Variants in INSYN2A observed in about 807,000 individuals in gnomAD.
INSYN2A encodes the protein inhibitory synaptic factor 2A.
INSYN2A carries 17 observed loss-of-function variants against 39.4 expected under a neutral mutation model. The observed-to-expected ratio is 0.43, with a 90% CI of 0.30 to 0.65. INSYN2A has a LOEUF of 0.65. INSYN2A is among the 30% of genes least tolerant of loss of function. INSYN2A has a pLI of 0.14. For synonymous variants in INSYN2A, 255 were observed against 265.7 expected (o/e 0.96, Z 0.39); for missense variants, 595 against 631.2 (o/e 0.94, Z 0.61).
At chr10:127,149,652 G>A (rs894661524) in intron 5 of INSYN2A, among the ~76,000 whole-genome samples, 3 of 152,164 alleles carry the variant, frequency 2.0e-5, no homozygotes, top group African/African-American at 4.8e-5. Context: ...TGCAAGACAG[G>A]CAGGGTCAAA....
intron 4 of INSYN2A, among the ~76,000 whole-genome samples, chr10:127,163,723 G>A (rs753994757): frequency 1.3e-5 from 2 of 151,108 alleles, no homozygotes; most frequent in Non-Finnish European, 2.9e-5. Flanking sequence ...TTCTGCTTCC[G>A]ACACCCAGTT....
rs143223796 is a variant in INSYN2A, at chr10:127,175,447, C to T, written c.949G>A (p.Glu317Lys). The T allele has an allele frequency of 2.3e-5, 37 of 1,611,824 alleles. No individual in the cohort carries two copies. Among genetic ancestry groups the T allele is most frequent in the Non-Finnish European group, 2.8e-5 (33 of 1,180,036 alleles). ...CSPPMQCLSP[E>K]CSEQPSQTHT... is the part of the protein sequence containing the mutation. The stretch of plus-strand genomic sequence containing the variant: ...GTCTGCGACGGCTGCTCACTACATT[C>T]GGGGGACAGGCACTGCATCGGGGGT... Residue 317 changes from glutamate (E) to lysine (K), a missense_variant, in exon 4 of 6, where the codon GAA becomes AAA. Glu to Lys is a moderately conservative substitution (Grantham distance 56). This residue lies in a region of INSYN2A where 478 missense variants were observed against 467.4 expected (regional missense o/e 1.02). Coordinates refer to ENST00000522781, the MANE Select transcript of INSYN2A (RefSeq NM_001039762.3). The surrounding 1 kb of genome is among the most constrained non-coding windows in gnomAD (Gnocchi z 6.3).
intron 4 of INSYN2A, among the ~76,000 whole-genome samples, chr10:127,169,162 A>G (rs1201282843): frequency 4.6e-5 from 7 of 152,176 alleles, no homozygotes. Flanking sequence ...GCTGTCATAT[A>G]CATTATACAT....
chr10:127,174,773 TC>T (rs2054921758), intron 4 of INSYN2A, among the ~76,000 whole-genome samples: 1 of 152,218 alleles, frequency 6.6e-6, no homozygotes, highest in Non-Finnish European at 1.5e-5. Context: ...CATTTACTTT[TC>T]CAAATGTCAC....
chr10:127,155,759 TAC>T (rs2052980945), intron 4 of INSYN2A, among the ~76,000 whole-genome samples: 1 of 152,214 alleles, frequency 6.6e-6, no homozygotes, highest in Non-Finnish European at 1.5e-5. Context: ...TATATAGACT[TAC>T]AGCCTTTCTC....
intron 2 of INSYN2A, among the ~76,000 whole-genome samples, chr10:127,183,986 A>G (rs1387050709): frequency 6.6e-6 from 1 of 152,116 alleles, no homozygotes; most frequent in East Asian, 1.9e-4. Context: ...AGTTTCATCT[A>G]ATGTCTTCGA....
rs1022575665 is a variant in INSYN2A at position 127,182,213 on chromosome 10, G to A, written c.-268-5074C>T. 2.0e-5 allele frequency among the ~76,000 whole-genome samples: 3 copies of A among 152,214 alleles called. No homozygotes were observed. The East Asian group carries it at 5.8e-4, about 29-fold the overall frequency. On this transcript the variant is annotated intron_variant, in intron 2 of 5. Coordinates refer to ENST00000522781, the MANE Select transcript of INSYN2A (RefSeq NM_001039762.3). ...AAAGCAGGGAAAAGGGGCACTCACA[G>A]AGGTTAAATGTAGGCATCGAGGCAG...
chr10:127,195,002 A>G (rs2057008388), intron 1 of INSYN2A, among the ~76,000 whole-genome samples: 1 of 152,186 alleles, frequency 6.6e-6, no homozygotes, highest in Admixed American at 6.5e-5. Flanking sequence ...CCTGGGCTGT[A>G]GATAAGCAAA....
chr10:127,145,352 CT>C (rs2051710126), intron 5 of INSYN2A, among the ~76,000 whole-genome samples: 3 of 152,310 alleles, frequency 2.0e-5, no homozygotes, highest in African/African-American at 7.2e-5. Flanking sequence ...TGAAGCATAT[CT>C]TATGCCATCC....
intron 4 of INSYN2A, among the ~76,000 whole-genome samples, chr10:127,169,351 G>C (rs569932755): frequency 6.6e-6 from 1 of 152,330 alleles, no homozygotes; most frequent in East Asian, 1.9e-4. Flanking sequence ...GCCTGGCACA[G>C]TGTCCATCAC....
intron 2 of INSYN2A, among the ~76,000 whole-genome samples, chr10:127,183,350 G>C (rs1015014591): frequency 6.6e-6 from 1 of 152,104 alleles, no homozygotes; most frequent in Non-Finnish European, 1.5e-5. Flanking sequence ...CCATCAACTC[G>C]ACCATCAGAA....
rs544893803 is a variant in INSYN2A at position 127,135,992 on chromosome 10, T to G, written c.*1845A>C. The G allele has an allele frequency of 3.3e-5, 5 of 152,792 alleles. No homozygotes were observed. The highest frequency in any genetic ancestry group is 1.2e-4 in the African/African-American group (5 of 41,590). 9.5% of individuals were successfully genotyped at this position (152,792 alleles called of 1,614,324 possible). A position where few individuals can be genotyped will look rare whatever the true frequency, so the allele number is the denominator to read the frequency against. ...GTCTACGTGAAACAGTTACACTTCC[T>G]TCATGTTACAGGATCAACTTCCTCA... On this transcript the variant is annotated 3_prime_UTR_variant, in exon 6 of 6. Transcript: ENST00000522781.
rs187602321 is a variant in INSYN2A at position 127,136,175 on chromosome 10, G to A, written c.*1662C>T. 1.8e-3 allele frequency: 276 copies of A among 152,192 alleles called. 1 individual carries two copies. Among genetic ancestry groups the A allele is most frequent in the African/African-American group, 6.4e-3 (266 of 41,522 alleles). 9.4% of individuals were successfully genotyped at this position (152,192 alleles called of 1,614,324 possible). ...TTTGGCCCCCGAAGAATGTTTACAC[G>A]ACATACTCTTCATTTTTTTTTCAAG... is the stretch of plus-strand genomic sequence containing the variant. On this transcript the variant is annotated 3_prime_UTR_variant, in exon 6 of 6. Transcript: ENST00000522781.
rs1194814788 is a variant in INSYN2A at position 127,175,828 on chromosome 10, C to T, written c.568G>A (p.Val190Ile). 1.2e-6 allele frequency: 2 copies of T among 1,613,994 alleles called. No homozygotes were observed. The highest frequency in any genetic ancestry group is 1.3e-5 in the African/African-American group (1 of 74,902). ...CTTTTACAGGGCTCTGTGCAGTTGA[C>T]CCCCAAAGGCTGGTCCACTGTGTTC... ...HMNTVDQPLG[V>I]NCTEPCKSPE... The change falls in exon 4 of 6, where the codon GTC becomes ATC. Residue 190 changes from valine (V) to isoleucine (I), a missense_variant. This residue lies in a region of INSYN2A where 478 missense variants were observed against 467.4 expected (regional missense o/e 1.02). Coordinates refer to ENST00000522781, the MANE Select transcript of INSYN2A (RefSeq NM_001039762.3). This position sits in a 1 kb window ranked among gnomAD's most constrained non-coding sequence, Gnocchi z 6.3.
chr10:127,137,646 G>A lies in INSYN2A; in HGVS notation c.*191C>T, dbSNP rs2050814923. ...GTGAACTGCAAAGAACAGCTGGCAA[G>A]GAGTGACACAGAATACCTTGCTTCT... On this transcript the variant is annotated 3_prime_UTR_variant, in exon 6 of 6. Transcript: ENST00000522781. The A allele has an allele frequency of 2.1e-6, 1 of 484,564 alleles. No individual in the cohort carries two copies. The highest frequency in any genetic ancestry group is 3.6e-6 in the Non-Finnish European group (1 of 277,150). The allele number at this position is 484,564 out of a possible 1,614,324, so 30.0% of individuals were successfully genotyped here.
intron 5 of INSYN2A, among the ~76,000 whole-genome samples, chr10:127,150,138 C>A (rs1000949670): frequency 1.3e-5 from 2 of 152,220 alleles, no homozygotes; most frequent in African/African-American, 2.4e-5. Flanking sequence ...GGAGTCTATA[C>A]TTCCGAGATG....
Position 127,176,229 on chromosome 10 carries a change from TGTGCC to T in INSYN2A, c.162_166del (p.Ala55GlufsTer2). On this transcript the variant is annotated frameshift_variant, in exon 4 of 6. Coordinates refer to ENST00000522781, the MANE Select transcript of INSYN2A (RefSeq NM_001039762.3). LOFTEE classifies it high-confidence loss of function. This position sits in a 1 kb window ranked among gnomAD's most constrained non-coding sequence, Gnocchi z 4.4. ...CAGCTGTGTGTCCCTCTGCTCATTC[TGTGCC>T]TCGCAGATATCCTTAAACCGCACCT... The T allele has an allele frequency of 6.2e-7, 1 of 1,614,196 alleles. No homozygotes were observed. Among genetic ancestry groups the T allele is most frequent in the Non-Finnish European group, 8.5e-7 (1 of 1,180,032 alleles).
chr10:127,147,055 A>G (rs1011782343), intron 5 of INSYN2A, among the ~76,000 whole-genome samples: 3 of 152,230 alleles, frequency 2.0e-5, no homozygotes, highest in Admixed American at 2.0e-4. Context: ...ATTACCAAGA[A>G]TGATGTGAGA....
At chr10:127,183,921 C>A (rs1055436121) in intron 2 of INSYN2A, among the ~76,000 whole-genome samples, 1 of 152,136 alleles carries the variant, frequency 6.6e-6, no homozygotes, top group African/African-American at 2.4e-5. Flanking sequence ...CTTCTCTGTG[C>A]ATGATAATAA....
Sources: gnomAD v4.1 joint callset for allele counts (sites outside exome capture counted in the v4.1 genomes callset) on GRCh38, gnomAD v4.1.1 for gene constraint, gnomAD v4.1.1 regional missense constraint, Gnocchi (gnomAD v3.1) non-coding constraint, MANE v1.5 for transcripts, NCBI Gene and HGNC (gene_info 2026-07-23, HGNC 2026-07-21) for gene names.